The following F8 variants were observed in gnomAD, a reference collection of about 807,000 sequenced individuals.
F8 encodes antihemophilic factor.
F8 carries 12 observed loss-of-function variants against 140.6 expected under a neutral mutation model. The observed-to-expected ratio is 0.09, with a 90% CI of 0.05 to 0.14. The LOEUF (loss-of-function observed/expected upper bound fraction) is 0.14, where lower values mean the gene tolerates loss of function less well. Among genes scored for constraint, F8 ranks in the 10% least tolerant of loss-of-function variants. F8 has a pLI of 1.00. For synonymous variants in F8, 585 were observed against 614.6 expected, an observed-to-expected ratio of 0.95 and a Z score of 0.71; for missense variants, 1,354 against 1,720.7, an observed-to-expected ratio of 0.79 and a Z score of 3.77.
At chrX:154,844,960 C>T (rs782554530) in intron 25 of F8, among the ~76,000 whole-genome samples, 89 of 110,640 alleles carry the variant, frequency 8.0e-4, no homozygotes, top group African/African-American at 2.7e-3. Context: ...TTTTGAGATA[C>T]GTCCCATCAA....
Position 154,962,887 on chromosome X carries a change from CA to C in F8, c.1444-1720del, listed in dbSNP as rs1196834074. Among the ~76,000 whole-genome samples, 58 of 95,112 alleles carry C rather than the reference CA, an allele frequency of 6.1e-4. 1 individual carries two copies. The highest frequency in any genetic ancestry group is 2.8e-3 in the Admixed American group (24 of 8,716). 82.6% of individuals were successfully genotyped at this position (95,112 alleles called of 115,157 possible). ...CTATCTCAAGAGAGAGAGAGAGAGACAGAGACGAGAGAGAGAGAGAGAGAGA... is the reference window on the plus strand; with the variant it reads ...CTATCTCAAGAGAGAGAGAGAGAGACGAGACGAGAGAGAGAGAGAGAGAGA... On this transcript the variant is annotated intron_variant, in intron 9 of 25. Coordinates refer to ENST00000360256, the MANE Select transcript of F8 (RefSeq NM_000132.4).
intron 6 of F8, among the ~76,000 whole-genome samples, chrX:154,982,355 G>T (rs2124127779): frequency 9.7e-6 from 1 of 103,278 alleles, no homozygotes; most frequent in South Asian, 4.6e-4. Context: ...GCTGAGGCAG[G>T]AGAATGGCGT....
At chrX:154,856,096 A>T (rs1437663673) in intron 25 of F8, among the ~76,000 whole-genome samples, 1 of 112,384 alleles carries the variant, frequency 8.9e-6, no homozygotes, top group African/African-American at 3.2e-5. Context: ...GCCCACAGTG[A>T]GCAAACTAGA....
chrX:154,931,138 T>G lies in F8; in HGVS notation c.2652A>C (p.Thr884=), dbSNP rs1331502867. Residue 884 remains threonine (T), a synonymous_variant, in exon 14 of 26, where the codon ACA becomes ACC. Transcript: ENST00000360256. ...LQLRLNEKLG[T]TAATELKKLD... ...GTTTCTTCAACTCTGTTGCTGCAGT[T>G]GTCCCCAGTTTCTCATTTAATCTTA... 9 of 1,209,757 alleles carry G rather than the reference T, an allele frequency of 7.4e-6. No individual in the cohort carries two copies. Among genetic ancestry groups the G allele is most frequent in the Non-Finnish European group, 1.0e-5 (9 of 895,076 alleles).
At chrX:155,020,473 C>T (rs1557287412) in intron 1 of F8, among the ~76,000 whole-genome samples, 1 of 112,055 alleles carries the variant, frequency 8.9e-6, no homozygotes, top group Non-Finnish European at 1.9e-5. Context: ...ACATTTTTAA[C>T]CAACCTTGCC....
At chrX:154,953,825 C>T in intron 12 of F8, 67 bp downstream of exon 12, 1 of 1,120,109 alleles carries the variant, frequency 8.9e-7, no homozygotes, top group Middle Eastern at 2.4e-4. Flanking sequence ...ATTATCTGGA[C>T]ATCACTTTGA....
intron 16 of F8, 28 bp downstream of exon 16, chrX:154,904,783 G>A: frequency 2.6e-6 from 3 of 1,174,942 alleles, no homozygotes; most frequent in Non-Finnish European, 3.5e-6. Context: ...AAACCAAAAA[G>A]TGGTCAGCAC....
chrX:154,944,257 C>T (rs1416741920), intron 13 of F8, among the ~76,000 whole-genome samples: 3 of 108,192 alleles, frequency 2.8e-5, no homozygotes, highest in Admixed American at 9.9e-5. Flanking sequence ...AGAAAATTTT[C>T]GCAACCTACT....
At position 155,022,687 on chromosome X, in the gene F8, A is replaced by G. The variant is rs1219954834; in HGVS notation, c.-135T>C. On this transcript the variant is annotated 5_prime_UTR_variant, in exon 1 of 26. Transcript: ENST00000360256. ...TCCCAATTTCTTTGCAGAGCATTTT[A>G]AGGAACTTTACCCACTGGATGTGCT... The G allele has an allele frequency of 8.7e-7, 1 of 1,146,390 alleles. No individual in the cohort carries two copies. Among genetic ancestry groups the G allele is most frequent in the Admixed American group, 2.6e-5 (1 of 38,785 alleles). 94.5% of individuals were successfully genotyped at this position (1,146,390 alleles called of 1,213,427 possible). A position where few individuals can be genotyped will look rare whatever the true frequency, so the allele number is the denominator to read the frequency against.
Position 154,944,599 on chromosome X carries a change from GA to G in F8, c.2113+3098del, listed in dbSNP as rs1429698932. Among the ~76,000 whole-genome samples the G allele has an allele frequency of 1.9e-3, 206 of 111,030 alleles. 2 individuals are homozygous for G. The highest frequency in any genetic ancestry group is 6.1e-3 in the African/African-American group (187 of 30,447). Reference sequence around the variant, plus strand: ...ACTGTAAACTAGTTCAACCATTGTGGAAGTCAGTGTGGCGATTCCTCAGGGA... The same window carrying G: ...ACTGTAAACTAGTTCAACCATTGTGGAGTCAGTGTGGCGATTCCTCAGGGA... On this transcript the variant is annotated intron_variant, in intron 13 of 25. Transcript: ENST00000360256.
Position 154,966,353 on chromosome X carries a change from GT to G in F8, c.1271+72del, listed in dbSNP as rs28370208. 1,521 of 1,153,262 alleles carry G rather than the reference GT, an allele frequency of 1.3e-3. 15 individuals carry two copies. The African/African-American group carries it at 0.023, about 17-fold the overall frequency. On this transcript the variant is annotated intron_variant, in intron 8 of 25. Transcript: ENST00000360256. Reference sequence around the variant, plus strand: ...AACCTTAAACATGGCTTCAGGATTTGTTGGTTTGAATAACTGGTAAGAACTT... The same window carrying G: ...AACCTTAAACATGGCTTCAGGATTTGTGGTTTGAATAACTGGTAAGAACTT...
rs1052948283 is a variant in F8, at chrX:154,948,642, C to A, written c.1904-735G>T. On this transcript the variant is annotated intron_variant, in intron 12 of 25. Transcript: ENST00000360256. ...TCTGTACATTTTAAATTATTTCAAACTAAAGAGCTAAGCAAAAGTAACATT... is the reference window on the plus strand; with the variant it reads ...TCTGTACATTTTAAATTATTTCAAAATAAAGAGCTAAGCAAAAGTAACATT... Among the ~76,000 whole-genome samples the A allele has an allele frequency of 1.5e-4, 17 of 112,022 alleles. 1 individual carries two copies. In the East Asian group the frequency reaches 4.7e-3, roughly 31 times the overall value.
intron 13 of F8, among the ~76,000 whole-genome samples, chrX:154,933,623 G>A (rs782056799): frequency 4.5e-5 from 5 of 112,239 alleles, no homozygotes; most frequent in African/African-American, 3.2e-5. Flanking sequence ...GTTTAAGGAC[G>A]AGAAAACATG....
chrX:154,850,867 T>C (rs1557272110), intron 25 of F8, among the ~76,000 whole-genome samples: 3 of 112,561 alleles, frequency 2.7e-5, no homozygotes, highest in Non-Finnish European at 5.6e-5. Flanking sequence ...ATTATGGTAA[T>C]GTACATGTCT....
chrX:154,843,051 G>T (rs1480425031), intron 25 of F8, among the ~76,000 whole-genome samples: 1 of 111,587 alleles, frequency 9.0e-6, no homozygotes, highest in Admixed American at 9.6e-5. Flanking sequence ...GCGGTGTTTG[G>T]TTTTTTGTCC....
At chrX:154,894,291 T>G (rs782601118) in intron 22 of F8, among the ~76,000 whole-genome samples, 11 of 112,879 alleles carry the variant, frequency 9.7e-5, no homozygotes, top group Non-Finnish European at 1.7e-4. Context: ...AGAATAAATC[T>G]CTTCAAATAT....
chrX:154,989,333 G>A (rs138637045), intron 4 of F8, among the ~76,000 whole-genome samples: 23 of 111,065 alleles, frequency 2.1e-4, no homozygotes, highest in East Asian at 8.5e-4. Context: ...CCCCATCATC[G>A]TCAAGATACA....
In F8 at chrX:154,927,186, T is replaced by C. The variant is rs2073165589; in HGVS notation, c.5219+1385A>G. Among the ~76,000 whole-genome samples the C allele has an allele frequency of 2.7e-5, 3 of 111,500 alleles. No homozygotes were observed. The Admixed American group carries it at 2.9e-4, about 11-fold the overall frequency. The stretch of plus-strand genomic sequence containing the variant: ...TGTAGTTCTTATGAAATAATAGAGA[T>C]AAAAGCTTCTTTGGAGTGGGTTAAA... On this transcript the variant is annotated intron_variant, in intron 14 of 25. Coordinates refer to ENST00000360256, the MANE Select transcript of F8 (RefSeq NM_000132.4).
intron 6 of F8, among the ~76,000 whole-genome samples, chrX:154,972,815 A>G (rs1422378428): frequency 2.0e-5 from 2 of 101,327 alleles, no homozygotes; most frequent in Admixed American, 1.2e-4. Context: ...TCTGGGGTTC[A>G]AGTGATTCTC....
Sources: allele counts gnomAD v4.1 joint callset (sites outside exome capture counted in the v4.1 genomes callset), GRCh38; gene constraint gnomAD v4.1.1; transcripts MANE v1.5; gene names NCBI Gene and HGNC (gene_info 2026-07-23, HGNC 2026-07-21).